CNTN3: variants seen among roughly 807,000 people sequenced by gnomAD.
CNTN3 encodes the protein contactin 3, also known as contactin-3.
A neutral mutation model predicts 119.1 loss-of-function variants in CNTN3; 60 were observed. The ratio of observed to expected loss-of-function variants is 0.50; its 90% CI spans 0.41 to 0.62. The LOEUF (loss-of-function observed/expected upper bound fraction) is 0.62. Among genes scored for constraint, CNTN3 ranks in the 20% least tolerant of loss-of-function variants. CNTN3 has a pLI of 0.00. For missense variants in CNTN3, 1,101 were observed against 1,242.4 expected, an observed-to-expected ratio of 0.89 and a Z score of 1.71; for synonymous variants, 450 against 438.7, an observed-to-expected ratio of 1.03 and a Z score of -0.32.
intron 1 of CNTN3, among the ~76,000 whole-genome samples, chr3:74,606,270 T>C (rs1216154928): frequency 6.6e-6 from 1 of 152,040 alleles, no homozygotes; most frequent in African/African-American, 2.4e-5. Flanking sequence ...AACAGGGGCA[T>C]ATTAATCTTA....
intron 2 of CNTN3, among the ~76,000 whole-genome samples, chr3:74,505,596 T>C (rs1455395311): frequency 1.3e-5 from 2 of 151,832 alleles, no homozygotes; most frequent in Non-Finnish European, 2.9e-5. Flanking sequence ...TGAACCAACA[T>C]GAACCACATA....
Position 74,614,571 on chromosome 3 carries a change from G to C in CNTN3, c.-261C>G, listed in dbSNP as rs1244722162. Among the ~76,000 whole-genome samples the C allele has an allele frequency of 6.8e-6, 1 of 147,886 alleles. No individual in the cohort carries two copies. The highest frequency in any genetic ancestry group is 1.5e-5 in the Non-Finnish European group (1 of 66,506). On this transcript the variant is annotated 5_prime_UTR_variant, in exon 1 of 23. Transcript: ENST00000263665. The stretch of plus-strand genomic sequence containing the variant: ...CCTCGTCCGCACGGTTCCCGGCCCA[G>C]TCCACGGCGCCAGCCCGCCCGCCGC...
chr3:74,533,502 T>C (rs1027378169), intron 1 of CNTN3, among the ~76,000 whole-genome samples: 2 of 152,024 alleles, frequency 1.3e-5, no homozygotes, highest in Non-Finnish European at 2.9e-5. Flanking sequence ...CAGGCAATAC[T>C]CTAACTGCTT....
At chr3:74,513,966 CTT>C (rs1009124878) in intron 2 of CNTN3, among the ~76,000 whole-genome samples, 3 of 142,124 alleles carry the variant, frequency 2.1e-5, no homozygotes, top group Non-Finnish European at 1.5e-5. Flanking sequence ...ATTTTTTTGA[CTT>C]TTTTTTTTTT....
intron 3 of CNTN3, among the ~76,000 whole-genome samples, chr3:74,496,709 C>G (rs533325427): frequency 6.6e-6 from 1 of 152,156 alleles, no homozygotes; most frequent in East Asian, 1.9e-4. Context: ...TCAGGGTAAC[C>G]TCCTTCAGCA....
At chr3:74,571,564 T>C (rs573138125) in intron 1 of CNTN3, among the ~76,000 whole-genome samples, 2 of 152,298 alleles carry the variant, frequency 1.3e-5, no homozygotes, top group African/African-American at 2.4e-5. Flanking sequence ...TAGGGCTAAA[T>C]TGCACAATAT....
intron 17 of CNTN3, 23 bp downstream of exon 17, chr3:74,299,845 G>T: frequency 6.3e-7 from 1 of 1,594,292 alleles, no homozygotes; most frequent in Non-Finnish European, 8.6e-7. Flanking sequence ...CCCTGATGGG[G>T]AAGATGCTGC....
At chr3:74,421,369 C>T (rs1369538208) in intron 5 of CNTN3, among the ~76,000 whole-genome samples, 3 of 151,688 alleles carry the variant, frequency 2.0e-5, no homozygotes, top group Non-Finnish European at 4.4e-5. Context: ...GGGGTTTTAC[C>T]GTGTTGCCCA....
intron 5 of CNTN3, among the ~76,000 whole-genome samples, chr3:74,391,136 G>C (rs998255984): frequency 6.6e-6 from 1 of 152,152 alleles, no homozygotes; most frequent in Non-Finnish European, 1.5e-5. Flanking sequence ...TAGCAGCCTT[G>C]TTTGATGCAA....
At chr3:74,333,720 A>G (rs754533476) in intron 13 of CNTN3, among the ~76,000 whole-genome samples, 1 of 151,248 alleles carries the variant, frequency 6.6e-6, no homozygotes, top group Non-Finnish European at 1.5e-5. Flanking sequence ...GGAGGACACA[A>G]TTCAACTCAA....
intron 11 of CNTN3, among the ~76,000 whole-genome samples, chr3:74,341,602 T>C (rs1396517383): frequency 4.6e-5 from 7 of 152,120 alleles, no homozygotes; most frequent in African/African-American, 1.7e-4. Context: ...TTCACTTAAC[T>C]TTGTGCAGTC....
intron 5 of CNTN3, among the ~76,000 whole-genome samples, chr3:74,376,292 AC>A (rs1704474168): frequency 1.3e-5 from 2 of 152,132 alleles, no homozygotes; most frequent in Non-Finnish European, 2.9e-5. Flanking sequence ...CCTGTTAGGA[AC>A]CAGGCCACAC....
chr3:74,264,270 A>C lies in CNTN3; in HGVS notation c.*131T>G, dbSNP rs955218930. 9 of 444,258 alleles carry C rather than the reference A, an allele frequency of 2.0e-5. No individual in the cohort carries two copies. In the South Asian group the frequency reaches 6.0e-4, roughly 29 times the overall value. The allele number at this position is 444,258 out of a possible 1,614,324, so 27.5% of individuals were successfully genotyped here. A position where few individuals can be genotyped will look rare whatever the true frequency, so the allele number is the denominator to read the frequency against. On this transcript the variant is annotated 3_prime_UTR_variant, in exon 23 of 23. Coordinates refer to ENST00000263665, the MANE Select transcript of CNTN3 (RefSeq NM_020872.3). ...ATTTACTGTTTTTTTAATTATATTCATATTTACCTATAATGAAGTAGAAAG... is the reference window on the plus strand; with the variant it reads ...ATTTACTGTTTTTTTAATTATATTCCTATTTACCTATAATGAAGTAGAAAG...
intron 4 of CNTN3, among the ~76,000 whole-genome samples, chr3:74,434,356 G>A (rs1701832552): frequency 6.6e-6 from 1 of 152,144 alleles, no homozygotes; most frequent in African/African-American, 2.4e-5. Context: ...TGAGTCTCTG[G>A]TTTCATAACG....
intron 13 of CNTN3, among the ~76,000 whole-genome samples, chr3:74,324,130 A>G (rs186243082): frequency 3.6e-4 from 55 of 152,246 alleles, no homozygotes; most frequent in African/African-American, 1.3e-3. Context: ...ATTTTTCAAT[A>G]TGAATTCCAA....
intron 4 of CNTN3, among the ~76,000 whole-genome samples, chr3:74,428,142 G>T (rs1227957599): frequency 6.6e-6 from 1 of 151,950 alleles, no homozygotes; most frequent in African/African-American, 2.4e-5. Flanking sequence ...TCATATAAAA[G>T]TTTTGCATAT....
Position 74,571,928 on chromosome 3 carries a change from A to G in CNTN3, c.-81+42463T>C, listed in dbSNP as rs935459806. Among the ~76,000 whole-genome samples the G allele has an allele frequency of 6.6e-5, 10 of 152,260 alleles. No homozygotes were observed. In the East Asian group the frequency reaches 1.7e-3, roughly 26 times the overall value. ...GCTATTCTCACCTACCAGTCAGGGT[A>G]TCATATGAAATATCTCATTGGTGGC... On this transcript the variant is annotated intron_variant, in intron 1 of 22. Coordinates refer to ENST00000263665, the MANE Select transcript of CNTN3 (RefSeq NM_020872.3).
intron 4 of CNTN3, among the ~76,000 whole-genome samples, chr3:74,480,431 G>T (rs1489879058): frequency 3.3e-5 from 5 of 151,998 alleles, no homozygotes; most frequent in African/African-American, 1.2e-4. Flanking sequence ...GTGGTGGTAA[G>T]GTGGTGGTAG....
chr3:74,577,553 C>A (rs1454490625), intron 1 of CNTN3, among the ~76,000 whole-genome samples: 1 of 152,028 alleles, frequency 6.6e-6, no homozygotes, highest in Non-Finnish European at 1.5e-5. Flanking sequence ...TCAAGTTATT[C>A]TAAATTATTC....
Sources: gnomAD v4.1 joint callset for allele counts (sites outside exome capture counted in the v4.1 genomes callset) on GRCh38, gnomAD v4.1.1 for gene constraint, MANE v1.5 for transcripts, NCBI Gene and HGNC (gene_info 2026-07-23, HGNC 2026-07-21) for gene names.